DNAH6: variants seen among roughly 807,000 people sequenced by gnomAD.
DNAH6 encodes axonemal beta dynein heavy chain 6.
DNAH6 carries 340 observed loss-of-function variants against 491.4 expected under a neutral mutation model. That is an observed-to-expected ratio of 0.69 (90% CI 0.63 to 0.76). The LOEUF is 0.76. Among genes scored for constraint, DNAH6 ranks in the 30% least tolerant of loss-of-function variants. The pLI, the probability that DNAH6 is intolerant of heterozygous loss-of-function variation, is 0.00. For synonymous variants in DNAH6, 1,603 were observed against 1,686.1 expected (o/e 0.95, Z 1.21); for missense variants, 4,443 against 4,972.2 (o/e 0.89, Z 3.20).
chr2:84,537,253 T>G (rs1295802539), intron 4 of DNAH6, among the ~76,000 whole-genome samples: 1 of 152,060 alleles, frequency 6.6e-6, no homozygotes, highest in Non-Finnish European at 1.5e-5. Flanking sequence ...TAGGAGGAAC[T>G]AAGAAATAAT....
chr2:84,515,186 A>AG (rs1429720859), upstream of DNAH6, among the ~76,000 whole-genome samples: 4 of 152,078 alleles, frequency 2.6e-5, no homozygotes, highest in Admixed American at 6.5e-5. Context: ...TTACTAGCTG[A>AG]CTAGTTTTGT....
chr2:84,753,418 G>C (rs1037098238), intron 63 of DNAH6, among the ~76,000 whole-genome samples: 17 of 150,806 alleles, frequency 1.1e-4, no homozygotes, highest in Admixed American at 6.6e-5. Context: ...TTCTTCTGTT[G>C]CTTGTGCTTT....
the DNAH6 span, among the ~76,000 whole-genome samples, chr2:84,466,031 G>A: frequency 0.81 from 123,072 of 152,194 alleles, 52,614 homozygotes; most frequent in Non-Finnish European, 0.93. Context: ...TTTTAAAGCC[G>A]AGCCCTGCCA....
At chr2:84,649,159 G>T (rs1422861726) in intron 33 of DNAH6, among the ~76,000 whole-genome samples, 2 of 152,204 alleles carry the variant, frequency 1.3e-5, no homozygotes, top group Non-Finnish European at 2.9e-5. Context: ...ATGCTTAAAT[G>T]ACTACAGTAT....
chr2:84,672,484 G>A lies in DNAH6; in HGVS notation c.6612G>A (p.Gln2204=), dbSNP rs1692830458. 2 of 1,547,460 alleles carry A rather than the reference G, an allele frequency of 1.3e-6. No individual in the cohort carries two copies. The highest frequency in any genetic ancestry group is 1.4e-5 in the African/African-American group (1 of 72,754). The change falls in exon 40 of 77, where the codon CAG becomes CAA. Residue 2204 remains glutamine, a splice_region_variant and synonymous_variant. Transcript: ENST00000389394. The part of the protein sequence containing the change: ...DRNKLFWKEI[Q]DVTIISACAP... ...ACAAACTGTTTTGGAAAGAAATACAGGTTACTTTAGCTTTTAAATTACTTG... is the reference window on the plus strand; with the variant it reads ...ACAAACTGTTTTGGAAAGAAATACAAGTTACTTTAGCTTTTAAATTACTTG...
At position 84,551,819 on chromosome 2, in the gene DNAH6, G is replaced by A. The variant is rs909150621; in HGVS notation, c.1486-1099G>A. Among the ~76,000 whole-genome samples, 7 of 152,288 alleles carry A rather than the reference G, an allele frequency of 4.6e-5. No homozygotes were observed. The East Asian group carries it at 5.8e-4, about 13-fold the overall frequency. On this transcript the variant is annotated intron_variant, in intron 9 of 76. Coordinates refer to ENST00000389394, the MANE Select transcript of DNAH6 (RefSeq NM_001370.2). Reference sequence around the variant, plus strand: ...TCCCAGCACTTTGGGAGGCCAAGGCGGGTGGATCACCTGAGGTGAGGAGTT... The same window carrying A: ...TCCCAGCACTTTGGGAGGCCAAGGCAGGTGGATCACCTGAGGTGAGGAGTT...
chr2:84,756,471 C>T (rs1219721660), intron 63 of DNAH6, among the ~76,000 whole-genome samples: 1 of 152,136 alleles, frequency 6.6e-6, no homozygotes, highest in Non-Finnish European at 1.5e-5. Context: ...TTCTGTAGGT[C>T]TCAGGAACTT....
At chr2:84,808,320 C>A in intron 71 of DNAH6, 95 bp from the exon 72 acceptor site, 1 of 1,352,646 alleles carries the variant, frequency 7.4e-7, no homozygotes, top group Non-Finnish European at 9.7e-7. Context: ...GAGAAGCTGG[C>A]TTTTTAAAAA....
At chr2:84,488,154 G>T in the DNAH6 span, among the ~76,000 whole-genome samples, 1 of 152,150 alleles carries the variant, frequency 6.6e-6, no homozygotes, top group African/African-American at 2.4e-5. Context: ...TGGTCTAGAT[G>T]CCCAACGATG....
chr2:84,818,483 TCAAAAAA>T (rs1680708174), intron 76 of DNAH6, among the ~76,000 whole-genome samples: 1 of 35,518 alleles, frequency 2.8e-5, no homozygotes, highest in Non-Finnish European at 4.7e-5. Context: ...AGACCCTATC[TCAAAAAA>T]AAAAAAAAAA....
At chr2:84,631,123 A>C (rs758365239) in intron 29 of DNAH6, among the ~76,000 whole-genome samples, 47 of 152,346 alleles carry the variant, frequency 3.1e-4, no homozygotes, top group Middle Eastern at 3.4e-3. Context: ...CCTGACTCAG[A>C]CTATTTGCTT....
chr2:84,506,674 T>C, the DNAH6 span, among the ~76,000 whole-genome samples: 1 of 126,960 alleles, frequency 7.9e-6, no homozygotes, highest in South Asian at 2.9e-4. Context: ...ATTGCCTAGG[T>C]TTTCTTCTAG....
chr2:84,717,633 G>T (rs1037138877), intron 58 of DNAH6, among the ~76,000 whole-genome samples: 1 of 152,172 alleles, frequency 6.6e-6, no homozygotes, highest in Non-Finnish European at 1.5e-5. Context: ...GCATTGCATA[G>T]AGTAGTACTT....
At chr2:84,664,767 C>T (rs1182378648) in intron 37 of DNAH6, among the ~76,000 whole-genome samples, 2 of 152,196 alleles carry the variant, frequency 1.3e-5, no homozygotes, top group African/African-American at 4.8e-5. Flanking sequence ...ATCTACAGAA[C>T]TCTCCACCCC....
At chr2:84,803,819 C>A (rs920127937) in intron 70 of DNAH6, among the ~76,000 whole-genome samples, 2 of 151,950 alleles carry the variant, frequency 1.3e-5, no homozygotes, top group African/African-American at 4.8e-5. Flanking sequence ...TATGGTAATA[C>A]CCAGTTTTAA....
At chr2:84,459,592 C>A in the DNAH6 span, 1 of 265,314 alleles carries the variant, frequency 3.8e-6, no homozygotes. Context: ...AGTGAGGCGG[C>A]GGGAAGGGAG....
chr2:84,800,914 C>T (rs939122385), intron 70 of DNAH6, among the ~76,000 whole-genome samples: 1 of 151,506 alleles, frequency 6.6e-6, no homozygotes, highest in African/African-American at 2.4e-5. Context: ...TACTATGCAG[C>T]CATAAAACAT....
chr2:84,502,927 G>A, the DNAH6 span, among the ~76,000 whole-genome samples: 6 of 152,182 alleles, frequency 3.9e-5, no homozygotes, highest in Middle Eastern at 3.4e-3. Context: ...GGATCAATGG[G>A]TCATGTTTTT....
rs954419477 is a variant in DNAH6, at chr2:84,699,743, C to T, written c.7818+9C>T. On this transcript the variant is annotated intron_variant, in intron 48 of 76. Coordinates refer to ENST00000389394, the MANE Select transcript of DNAH6 (RefSeq NM_001370.2). Reference sequence around the variant, plus strand: ...TTGACTGGTTTGTGCAGGTTGGTGACATCCCAGGATATCTCTTTGAGAAGT... The same window carrying T: ...TTGACTGGTTTGTGCAGGTTGGTGATATCCCAGGATATCTCTTTGAGAAGT... 1.9e-6 allele frequency: 3 copies of T among 1,549,716 alleles called. No homozygotes were observed. Among genetic ancestry groups the T allele is most frequent in the African/African-American group, 2.7e-5 (2 of 72,980 alleles).
Sources: allele counts gnomAD v4.1 joint callset (sites outside exome capture counted in the v4.1 genomes callset), GRCh38; gene constraint gnomAD v4.1.1; transcripts MANE v1.5; gene names NCBI Gene and HGNC (gene_info 2026-07-23, HGNC 2026-07-21).